The following SGCD variants were observed in gnomAD, a reference collection of about 807,000 sequenced individuals.
SGCD encodes delta-sarcoglycan.
A neutral mutation model predicts 36.6 loss-of-function variants in SGCD; 18 were observed. The observed-to-expected ratio is 0.49, with a 90% CI of 0.34 to 0.73. The LOEUF (loss-of-function observed/expected upper bound fraction) is 0.73. Among genes scored for constraint, SGCD ranks in the 30% least tolerant of loss-of-function variants. SGCD has a pLI of 0.01. For missense variants in SGCD, 387 were observed against 346.7 expected (o/e 1.12, Z -0.92); for synonymous variants, 133 against 130.6 (o/e 1.02, Z -0.12).
intron 6 of SGCD, among the ~76,000 whole-genome samples, chr5:156,614,827 T>C (rs1371687846): frequency 6.6e-6 from 1 of 152,190 alleles, no homozygotes; most frequent in Non-Finnish European, 1.5e-5. Context: ...GCTAAACTAA[T>C]GTCTCCTCCA....
At chr5:156,157,006 A>G (rs1219826979) in intron 3 of SGCD, among the ~76,000 whole-genome samples, 1 of 151,606 alleles carries the variant, frequency 6.6e-6, no homozygotes, top group African/African-American at 2.4e-5. Flanking sequence ...TCAAAGATTT[A>G]TTGCATTTGA....
At chr5:156,423,634 T>C (rs1353587984) in intron 3 of SGCD, among the ~76,000 whole-genome samples, 1 of 151,302 alleles carries the variant, frequency 6.6e-6, no homozygotes, top group East Asian at 1.9e-4. Flanking sequence ...CAAAGAATGT[T>C]AAACGGAAGG....
chr5:156,069,699 A>C (rs4704779), intron 1 of SGCD, among the ~76,000 whole-genome samples: 15,114 of 149,470 alleles, frequency 0.1, 1,704 homozygotes, highest in East Asian at 0.47. Flanking sequence ...CATTGAATCT[A>C]TAAATTCCCT....
intron 3 of SGCD, among the ~76,000 whole-genome samples, chr5:156,145,163 A>G (rs922535559): frequency 6.6e-5 from 10 of 152,156 alleles, no homozygotes; most frequent in African/African-American, 1.9e-4. Flanking sequence ...TAGCACCATC[A>G]CCTTGGTACT....
At chr5:156,691,732 C>T (rs772821323) in intron 7 of SGCD, among the ~76,000 whole-genome samples, 1 of 152,150 alleles carries the variant, frequency 6.6e-6, no homozygotes, top group Admixed American at 6.5e-5. Context: ...CAGATTTGGC[C>T]GATGGGCCAT....
chr5:156,079,110 G>T (rs1053800357), intron 1 of SGCD, among the ~76,000 whole-genome samples: 1 of 152,038 alleles, frequency 6.6e-6, no homozygotes. Context: ...GAAGGCAAAG[G>T]GGGAGGAGGC....
intron 1 of SGCD, among the ~76,000 whole-genome samples, chr5:155,894,501 G>A (rs1310836665): frequency 1.3e-5 from 2 of 152,110 alleles, no homozygotes; most frequent in African/African-American, 4.8e-5. Context: ...ATGGTCTGTG[G>A]CCTATTATAA....
intron 4 of SGCD, among the ~76,000 whole-genome samples, chr5:156,568,150 G>C (rs1404971464): frequency 6.6e-6 from 1 of 152,132 alleles, no homozygotes; most frequent in African/African-American, 2.4e-5. Context: ...AGCACTTTAG[G>C]AGGCTGAGGC....
At chr5:156,038,506 A>T in intron 1 of SGCD, among the ~76,000 whole-genome samples, 1 of 152,142 alleles carries the variant, frequency 6.6e-6, no homozygotes, top group Non-Finnish European at 1.5e-5. Context: ...TCTTAGGGAA[A>T]ATTATTAGGA....
chr5:156,424,791 C>A (rs1471232699), intron 3 of SGCD, among the ~76,000 whole-genome samples: 2 of 151,970 alleles, frequency 1.3e-5, no homozygotes, highest in Non-Finnish European at 2.9e-5. Flanking sequence ...GCATGGGGCA[C>A]CTTTTCGAGA....
chr5:155,932,039 C>T (rs1272415672), intron 1 of SGCD, among the ~76,000 whole-genome samples: 3 of 152,122 alleles, frequency 2.0e-5, no homozygotes, highest in Non-Finnish European at 4.4e-5. Flanking sequence ...AAGTCTCCAC[C>T]CTCATGATTC....
chr5:155,795,835 G>T, the SGCD span, among the ~76,000 whole-genome samples: 1 of 152,156 alleles, frequency 6.6e-6, no homozygotes, highest in African/African-American at 2.4e-5. Flanking sequence ...AAAGACAGCT[G>T]CTAGAGTTTT....
chr5:155,860,195 G>A, the SGCD span, among the ~76,000 whole-genome samples: 1 of 152,220 alleles, frequency 6.6e-6, no homozygotes, highest in East Asian at 1.9e-4. Flanking sequence ...AGATACCTGA[G>A]GAAGATCAGG....
chr5:156,008,666 G>C (rs574221484), intron 1 of SGCD, among the ~76,000 whole-genome samples: 1 of 152,256 alleles, frequency 6.6e-6, no homozygotes, highest in Admixed American at 6.5e-5. Flanking sequence ...ATGAACCATG[G>C]TGCCCAGCCT....
chr5:155,737,843 T>C, the SGCD span, among the ~76,000 whole-genome samples: 1 of 152,150 alleles, frequency 6.6e-6, no homozygotes, highest in Admixed American at 6.5e-5. Flanking sequence ...TAGCATTTTT[T>C]AGTGAGATTT....
intron 1 of SGCD, among the ~76,000 whole-genome samples, chr5:156,112,479 T>C (rs1450105597): frequency 6.6e-6 from 1 of 152,164 alleles, no homozygotes; most frequent in Non-Finnish European, 1.5e-5. Context: ...CATAAGGTTT[T>C]GGGAAGGCTC....
intron 1 of SGCD, among the ~76,000 whole-genome samples, chr5:155,876,069 T>G (rs1755762077): frequency 6.6e-6 from 1 of 151,806 alleles, no homozygotes; most frequent in African/African-American, 2.4e-5. Flanking sequence ...TTTATTATAC[T>G]TTAAGTTTTA....
At chr5:156,468,711 G>A (rs1228933320) in intron 3 of SGCD, among the ~76,000 whole-genome samples, 7 of 152,162 alleles carry the variant, frequency 4.6e-5, no homozygotes, top group Non-Finnish European at 1.0e-4. Context: ...CAATAATGTG[G>A]CTGTGTGTGG....
intron 3 of SGCD, among the ~76,000 whole-genome samples, chr5:156,494,874 G>A (rs916134121): frequency 6.6e-6 from 1 of 151,968 alleles, no homozygotes; most frequent in Non-Finnish European, 1.5e-5. Flanking sequence ...ACCTTCCCAG[G>A]CCTGGCTTCC....
Sources: gnomAD v4.1 joint callset for allele counts (sites outside exome capture counted in the v4.1 genomes callset) on GRCh38, gnomAD v4.1.1 for gene constraint, MANE v1.5 for transcripts, NCBI Gene and HGNC (gene_info 2026-07-23, HGNC 2026-07-21) for gene names.